Variants in TENM4 observed in about 807,000 individuals in gnomAD.
The protein encoded by TENM4 is teneurin-4.
A neutral mutation model predicts 243.3 loss-of-function variants in TENM4; 82 were observed. The ratio of observed to expected loss-of-function variants is 0.34; its 90% CI spans 0.28 to 0.40. The LOEUF (loss-of-function observed/expected upper bound fraction) is 0.40, where lower values mean the gene tolerates loss of function less well. Ranked by LOEUF, TENM4 falls within the 10% of genes least tolerant of loss-of-function variation. TENM4 has a pLI of 1.00. For missense variants in TENM4, 3,138 were observed against 3,673.3 expected, an observed-to-expected ratio of 0.85 and a Z score of 3.77; for synonymous variants, 1,412 against 1,456.3, an observed-to-expected ratio of 0.97 and a Z score of 0.69.
chr11:78,881,261 A>G (rs1013714632), intron 9 of TENM4, among the ~76,000 whole-genome samples: 2 of 152,058 alleles, frequency 1.3e-5, no homozygotes, highest in African/African-American at 4.8e-5. Context: ...TGCCTTCCAC[A>G]CTCACTCTCT....
rs1370895711 is a variant in TENM4, at chr11:78,823,798, GC to G, written c.1682-9404del. Among the ~76,000 whole-genome samples the G allele has an allele frequency of 2.6e-5, 4 of 152,274 alleles. No individual in the cohort carries two copies. The East Asian group carries it at 7.7e-4, about 29-fold the overall frequency. ...TTTTCCTTGAGATTGCTTGTGTTTT[GC>G]CCCTTGCAACGGAAAAAACTAATTT... On this transcript the variant is annotated intron_variant, in intron 12 of 33. Coordinates refer to ENST00000278550, the MANE Select transcript of TENM4 (RefSeq NM_001098816.3).
chr11:78,770,892 C>T (rs1856633073), intron 18 of TENM4, 100 bp downstream of exon 18: 3 of 1,471,120 alleles, frequency 2.0e-6, no homozygotes, highest in African/African-American at 1.4e-5. Context: ...GACTGGATGA[C>T]TGGTGTGTTG....
chr11:78,999,347 A>G (rs1204730283), intron 6 of TENM4, among the ~76,000 whole-genome samples: 1 of 152,070 alleles, frequency 6.6e-6, no homozygotes, highest in Non-Finnish European at 1.5e-5. Context: ...CCCTGTCTCT[A>G]CTAAAAAATA....
At chr11:78,672,439 G>T in intron 30 of TENM4, 110 bp from the exon 31 acceptor site, 1 of 1,180,532 alleles carries the variant, frequency 8.5e-7, no homozygotes, top group Non-Finnish European at 1.2e-6. Flanking sequence ...GTAGAGGAGG[G>T]AGCACAGTCC....
chr11:79,407,909 C>CTT (rs71457508), intron 1 of TENM4, among the ~76,000 whole-genome samples: 2,306 of 139,442 alleles, frequency 0.017, 44 homozygotes, highest in Admixed American at 0.057. Context: ...TTTTCTTTTT[C>CTT]TTTTTTTTTT....
At chr11:78,803,095 A>G (rs1335891547) in intron 15 of TENM4, among the ~76,000 whole-genome samples, 2 of 150,852 alleles carry the variant, frequency 1.3e-5, no homozygotes, top group Non-Finnish European at 2.9e-5. Context: ...CAGTGGCACG[A>G]TCTCAGCTCA....
At chr11:78,783,926 G>T (rs1302772686) in intron 16 of TENM4, among the ~76,000 whole-genome samples, 1 of 152,172 alleles carries the variant, frequency 6.6e-6, no homozygotes, top group Non-Finnish European at 1.5e-5. Flanking sequence ...GCCCAGATTT[G>T]TCTTGTTCTT....
intron 6 of TENM4, among the ~76,000 whole-genome samples, chr11:78,935,578 G>C (rs1314285263): frequency 1.3e-5 from 2 of 152,162 alleles, no homozygotes; most frequent in African/African-American, 4.8e-5. Flanking sequence ...ATTTTGGGTT[G>C]GGTTGGAAAT....
At chr11:79,164,312 G>T (rs1241452480) in intron 3 of TENM4, among the ~76,000 whole-genome samples, 2 of 124,330 alleles carry the variant, frequency 1.6e-5, no homozygotes, top group Admixed American at 8.5e-5. Flanking sequence ...ATAGTATATA[G>T]ATATACTAGT....
chr11:79,394,755 A>C (rs12275195), intron 1 of TENM4, among the ~76,000 whole-genome samples: 17,823 of 152,274 alleles, frequency 0.12, 1,145 homozygotes, highest in African/African-American at 0.17. Flanking sequence ...TTCATCCAGT[A>C]TGACTGATGT....
chr11:78,670,175 T>A lies in TENM4; in HGVS notation c.6170A>T (p.Tyr2057Phe), dbSNP rs1417213892. 6.2e-7 allele frequency: 1 copy of A among 1,613,964 alleles called. No homozygotes were observed. Among genetic ancestry groups the A allele is most frequent in the Non-Finnish European group, 8.5e-7 (1 of 1,179,878 alleles). The part of the protein sequence containing the change: ...QNEGFTCTIR[Y>F]RQIGPLIDRQ... ...GTCAATCAGGGGCCCAATCTGACGG[T>A]AGCGGATGGTGCAGGTGAAGCCCTC... The change falls in exon 32 of 34, where the codon TAC (tyrosine) becomes TTC (phenylalanine). Residue 2057 changes from tyrosine (Y) to phenylalanine (F), a missense_variant. Around this residue, in one of 2 missense-constraint regions of TENM4, gnomAD observed 2,467 missense variants for 3,059.1 expected, o/e 0.81. Coordinates refer to ENST00000278550, the MANE Select transcript of TENM4 (RefSeq NM_001098816.3).
In TENM4 at chr11:78,701,722, C is replaced by T. The variant is rs772131708; in HGVS notation, c.4891G>A (p.Val1631Ile). The T allele has an allele frequency of 2.5e-6, 4 of 1,614,000 alleles. No homozygotes were observed. In the African/African-American group the frequency reaches 5.3e-5, roughly 22 times the overall value. Residue 1631 changes from valine (V) to isoleucine (I), a missense_variant, in exon 28 of 34, where the codon GTC becomes ATC. Physicochemically the swap from Val to Ile is conservative, Grantham distance 29. Coordinates refer to ENST00000278550, the MANE Select transcript of TENM4 (RefSeq NM_001098816.3). ...ITDNNGNMVNVRRDSTGMPLW... is the reference protein window; with the variant it reads ...ITDNNGNMVNIRRDSTGMPLW... ...GGCATCCCAGTAGAGTCTCGGCGGA[C>T]ATTTACCATGTTGCCATTGTTGTCT... is the stretch of plus-strand genomic sequence containing the variant.
chr11:78,765,091 C>T (rs1318965230), intron 18 of TENM4, among the ~76,000 whole-genome samples: 1 of 152,144 alleles, frequency 6.6e-6, no homozygotes, highest in Non-Finnish European at 1.5e-5. Context: ...GCTTGACGAC[C>T]CATTAGCCAA....
intron 6 of TENM4, among the ~76,000 whole-genome samples, chr11:79,047,005 A>C (rs888932214): frequency 6.6e-6 from 1 of 152,192 alleles, no homozygotes; most frequent in African/African-American, 2.4e-5. Flanking sequence ...TATTTATGGA[A>C]TTTTATGTGC....
intron 9 of TENM4, among the ~76,000 whole-genome samples, chr11:78,886,189 A>C (rs931060460): frequency 7.2e-5 from 11 of 152,324 alleles, no homozygotes; most frequent in African/African-American, 2.6e-4. Context: ...TACAGTAATT[A>C]ATAATTGATT....
intron 3 of TENM4, among the ~76,000 whole-genome samples, chr11:79,172,114 A>C (rs1202571557): frequency 6.6e-6 from 1 of 152,074 alleles, no homozygotes; most frequent in Non-Finnish European, 1.5e-5. Context: ...ACCACACCTG[A>C]CTAATTTTTA....
intron 17 of TENM4, among the ~76,000 whole-genome samples, chr11:78,773,646 C>T (rs1338880168): frequency 1.3e-5 from 2 of 152,184 alleles, no homozygotes; most frequent in South Asian, 2.1e-4. Flanking sequence ...AATTACTCAA[C>T]TCTGCCGTTA....
At chr11:79,322,165 C>T (rs1250074296) in intron 1 of TENM4, among the ~76,000 whole-genome samples, 3 of 152,092 alleles carry the variant, frequency 2.0e-5, no homozygotes, top group Non-Finnish European at 4.4e-5. Context: ...TCCAGATGGC[C>T]CCTCTGCTGG....
intron 9 of TENM4, among the ~76,000 whole-genome samples, chr11:78,886,734 T>C (rs1473110926): frequency 6.6e-6 from 1 of 152,252 alleles, no homozygotes; most frequent in Non-Finnish European, 1.5e-5. Context: ...TGCCCAGGCT[T>C]GCCTCTCTGG....
Sources: gnomAD v4.1 joint callset for allele counts (sites outside exome capture counted in the v4.1 genomes callset) on GRCh38, gnomAD v4.1.1 for gene constraint, gnomAD v4.1.1 regional missense constraint, MANE v1.5 for transcripts, NCBI Gene and HGNC (gene_info 2026-07-23, HGNC 2026-07-21) for gene names.